The following CECR2 variants were observed in gnomAD, a reference collection of about 807,000 sequenced individuals.
CECR2 encodes chromatin remodeling regulator CECR2.
CECR2 carries 30 observed loss-of-function variants against 154.5 expected under a neutral mutation model. That is an observed-to-expected ratio of 0.19 (90% CI 0.15 to 0.26). The LOEUF (loss-of-function observed/expected upper bound fraction) is 0.26. CECR2 is among the 10% of genes least tolerant of loss of function. The pLI, the probability that CECR2 is intolerant of heterozygous loss-of-function variation, is 1.00. For synonymous variants in CECR2, 725 were observed against 683.7 expected (o/e 1.06, Z -0.94); for missense variants, 1,743 against 1,829.3 (o/e 0.95, Z 0.86).
At chr22:17,381,772 A>G (rs1211723892) in intron 1 of CECR2, among the ~76,000 whole-genome samples, 1 of 152,080 alleles carries the variant, frequency 6.6e-6, no homozygotes, top group Non-Finnish European at 1.5e-5. Flanking sequence ...TTGCTGTAAG[A>G]GTTCAGAGGA....
In CECR2 at chr22:17,477,574, TCTCC is replaced by T; in HGVS notation, c.127-6_127-3del. The T allele has an allele frequency of 1.3e-6, 2 of 1,566,510 alleles. No individual in the cohort carries two copies. Among genetic ancestry groups the T allele is most frequent in the Non-Finnish European group, 1.8e-6 (2 of 1,137,626 alleles). ...TCTGTTTGATTTCTCAACTTCCCTC[TCTCC>T]CTCCCTCAGGAGTTAGAAGCCGCTC... On this transcript the variant is annotated splice_polypyrimidine_tract_variant and intron_variant, in intron 1 of 18. Coordinates refer to ENST00000262608, the MANE Select transcript of CECR2 (RefSeq NM_001290047.2).
chr22:17,377,946 G>A (rs987455070), intron 1 of CECR2, among the ~76,000 whole-genome samples: 5 of 152,082 alleles, frequency 3.3e-5, no homozygotes, highest in Admixed American at 6.6e-5. Flanking sequence ...ATCTGTTGTG[G>A]GAAGCTGTTA....
In CECR2 at chr22:17,503,118, A is replaced by G. The variant is rs774733472; in HGVS notation, c.687A>G (p.Pro229=). ...AAGAAAATTCCTTGGCATCCGAGCC[A>G]CAGACAAGACATGGTAATGTTCTTT... ...KQEENSLASE[P]QTRHGSQGPG... The change falls in exon 6 of 19, where the codon CCA becomes CCG. Residue 229 remains proline (P), a synonymous_variant. Coordinates refer to ENST00000262608, the MANE Select transcript of CECR2 (RefSeq NM_001290047.2). 1.6e-5 allele frequency: 26 copies of G among 1,612,456 alleles called. 2 individuals are homozygous for G. Among genetic ancestry groups the G allele is most frequent in the African/African-American group, 1.1e-4 (8 of 75,048 alleles).
rs773244829 is a variant in CECR2, at chr22:17,497,575, G to A, written c.394G>A (p.Asp132Asn). 84 of 1,613,778 alleles carry A rather than the reference G, an allele frequency of 5.2e-5. No homozygotes were observed. In the Admixed American group the frequency reaches 9.5e-4, roughly 18 times the overall value. Residue 132 changes from aspartate to asparagine, a missense_variant, in exon 3 of 19, where the codon GAT (aspartate) becomes AAT (asparagine). Around this residue, in one of 4 missense-constraint regions of CECR2, gnomAD observed 98 missense variants for 169.3 expected, o/e 0.58. Coordinates refer to ENST00000262608, the MANE Select transcript of CECR2 (RefSeq NM_001290047.2). Reference protein sequence around the residue: ...DYRLDADDVFDLLKGLDADSL... With the variant: ...DYRLDADDVFNLLKGLDADSL... ...CCGGCTGGATGCAGACGATGTCTTCGATCTTCTAAAGGTATGCTTAACTGG... is the reference window on the plus strand; with the variant it reads ...CCGGCTGGATGCAGACGATGTCTTCAATCTTCTAAAGGTATGCTTAACTGG...
chr22:17,479,593 C>G (rs144036693), intron 2 of CECR2, among the ~76,000 whole-genome samples: 28 of 151,600 alleles, frequency 1.8e-4, no homozygotes, highest in African/African-American at 6.5e-4. Flanking sequence ...TCTAATTTGT[C>G]CTTCTGTTTA....
chr22:17,406,657 C>A (rs1303665251), intron 1 of CECR2, among the ~76,000 whole-genome samples: 4 of 151,838 alleles, frequency 2.6e-5, no homozygotes. Flanking sequence ...TGAAATGATT[C>A]ATTTCCCTTC....
intron 1 of CECR2, among the ~76,000 whole-genome samples, chr22:17,376,411 C>T (rs2063119583): frequency 7.9e-6 from 1 of 126,678 alleles, no homozygotes; most frequent in East Asian, 2.0e-4. Flanking sequence ...TAAAATACAC[C>T]TTGGCAGCAT....
At chr22:17,382,013 T>A (rs564308169) in intron 1 of CECR2, among the ~76,000 whole-genome samples, 1 of 151,006 alleles carries the variant, frequency 6.6e-6, no homozygotes, top group African/African-American at 2.4e-5. Context: ...TCAGTCTCCC[T>A]AGTAGCTGGG....
Position 17,540,925 on chromosome 22 carries a change from G to A in CECR2, c.1884+125G>A, listed in dbSNP as rs181889944. ...GTATGTATGGAATCTTTTTCCCTGT[G>A]AGTCCTTTGTTCATGTGATTTTATT... On this transcript the variant is annotated intron_variant, in intron 14 of 18. Coordinates refer to ENST00000262608, the MANE Select transcript of CECR2 (RefSeq NM_001290047.2). 3.8e-6 allele frequency: 4 copies of A among 1,052,072 alleles called. 1 individual carries two copies. In the East Asian group the frequency reaches 8.3e-5, roughly 22 times the overall value. The allele number at this position is 1,052,072 out of a possible 1,614,324, so 65.2% of individuals were successfully genotyped here. A position where few individuals can be genotyped will look rare whatever the true frequency, so the allele number is the denominator to read the frequency against.
chr22:17,403,976 C>G (rs1292932352), intron 1 of CECR2, among the ~76,000 whole-genome samples: 1 of 150,948 alleles, frequency 6.6e-6, no homozygotes, highest in Non-Finnish European at 1.5e-5. Flanking sequence ...TAAGACCACC[C>G]TGGCCGGGCA....
At position 17,542,025 on chromosome 22, in the gene CECR2, A is replaced by G. The variant is rs2056531754; in HGVS notation, c.2013+58A>G. ...GGGGTCCCACAGGTACGTTTCAGAG[A>G]AAAAGTCTCTTTCCAGGTTAAATGT... On this transcript the variant is annotated intron_variant, in intron 15 of 18. Transcript: ENST00000262608. 4 of 1,583,980 alleles carry G rather than the reference A, an allele frequency of 2.5e-6. No individual in the cohort carries two copies. In the Admixed American group the frequency reaches 7.3e-5, roughly 29 times the overall value.
chr22:17,418,786 A>G, intron 1 of CECR2: 1 of 257,148 alleles, frequency 3.9e-6, no homozygotes, highest in Non-Finnish European at 7.3e-6. Context: ...GAGAGGGAGG[A>G]CAGCAGCTCT....
chr22:17,428,798 T>TTTTGTGTGTGTGTGTGTGTG (rs367634017), intron 1 of CECR2, among the ~76,000 whole-genome samples: 138 of 136,420 alleles, frequency 1.0e-3, no homozygotes, highest in African/African-American at 3.7e-3. Context: ...ATGTTTTTAT[T>TTTTGTGTGTGTGTGTGTGTG]TGTGTGTGTG....
At chr22:17,546,303 C>T (rs1269052822) in intron 16 of CECR2, among the ~76,000 whole-genome samples, 2 of 151,800 alleles carry the variant, frequency 1.3e-5, no homozygotes, top group Non-Finnish European at 1.5e-5. Context: ...CTGGCTAACA[C>T]GGTGAAACCC....
At chr22:17,508,656 A>G (rs1406129016) in intron 7 of CECR2, among the ~76,000 whole-genome samples, 2 of 152,106 alleles carry the variant, frequency 1.3e-5, no homozygotes, top group Non-Finnish European at 2.9e-5. Flanking sequence ...GTAGTAGGCT[A>G]TACCATCTAG....
At chr22:17,477,709 T>G in intron 2 of CECR2, 27 bp downstream of exon 2, 1 of 1,521,704 alleles carries the variant, frequency 6.6e-7, no homozygotes, top group Non-Finnish European at 9.1e-7. Context: ...TTTCTAAGCA[T>G]TTCTTGCGCC....
intron 1 of CECR2, among the ~76,000 whole-genome samples, chr22:17,421,343 C>T (rs181872348): frequency 4.8e-4 from 73 of 152,010 alleles, no homozygotes; most frequent in African/African-American, 1.5e-3. Flanking sequence ...AGGCCGGGCG[C>T]GGTGGCTCAT....
In CECR2 at chr22:17,393,220, G is replaced by A. The variant is rs79539907; in HGVS notation, c.126+23311G>A. Among the ~76,000 whole-genome samples the A allele has an allele frequency of 4.4e-3, 662 of 152,140 alleles. 4 individuals carry two copies. The highest frequency in any genetic ancestry group is 0.015 in the African/African-American group (625 of 41,510). On this transcript the variant is annotated intron_variant, in intron 1 of 18. Transcript: ENST00000262608. ...CCCCAGCCTAAGCAAATTACTCTCT[G>A]CTTTTATAGATTTTCCTTTTTGGGC...
chr22:17,512,012 A>C, intron 8 of CECR2, 116 bp downstream of exon 8: 2 of 750,432 alleles, frequency 2.7e-6, no homozygotes, highest in Non-Finnish European at 4.4e-6. Flanking sequence ...TAAACCCCAA[A>C]TGTTTATTTA....
Sources: gnomAD v4.1 joint callset for allele counts (sites outside exome capture counted in the v4.1 genomes callset) on GRCh38, gnomAD v4.1.1 for gene constraint, gnomAD v4.1.1 regional missense constraint, MANE v1.5 for transcripts, NCBI Gene and HGNC (gene_info 2026-07-23, HGNC 2026-07-21) for gene names.